The following PKHD1 variants were observed in gnomAD, a reference collection of about 807,000 sequenced individuals.
PKHD1 encodes fibrocystin.
Under a neutral mutation model 412.0 loss-of-function variants are expected in PKHD1, and 291 were observed. The ratio of observed to expected loss-of-function variants is 0.71; its 90% confidence interval spans 0.64 to 0.78. The LOEUF (loss-of-function observed/expected upper bound fraction) is 0.78, where lower values mean the gene tolerates loss of function less well. PKHD1 is among the 30% of genes least tolerant of loss of function. The pLI, the probability that PKHD1 is intolerant of heterozygous loss-of-function variation, is 0.00. For missense variants in PKHD1, 4,825 were observed against 4,950.7 expected, an observed-to-expected ratio of 0.97 and a Z score of 0.76; for synonymous variants, 1,777 against 1,821.5, an observed-to-expected ratio of 0.98 and a Z score of 0.62.
At chr6:51,818,727 T>C (rs777330236) in intron 52 of PKHD1, among the ~76,000 whole-genome samples, 2 of 152,154 alleles carry the variant, frequency 1.3e-5, no homozygotes, top group African/African-American at 2.4e-5. Context: ...GTTTACACTA[T>C]TAAGATGTAA....
chr6:51,715,954 T>G (rs182639962), intron 60 of PKHD1, among the ~76,000 whole-genome samples: 1 of 152,338 alleles, frequency 6.6e-6, no homozygotes, highest in East Asian at 1.9e-4. Flanking sequence ...CCAAACTGTC[T>G]TCAGAAGTTG....
chr6:51,699,856 G>A (rs143383082), intron 60 of PKHD1, among the ~76,000 whole-genome samples: 1,579 of 151,460 alleles, frequency 0.01, 25 homozygotes, highest in African/African-American at 0.036. Flanking sequence ...AATATTTGGC[G>A]AGAACTATTA....
chr6:52,024,025 T>TAG (rs771311331), intron 32 of PKHD1, among the ~76,000 whole-genome samples: 18 of 152,346 alleles, frequency 1.2e-4, no homozygotes, highest in Non-Finnish European at 2.1e-4. Flanking sequence ...TTTAAGTGAA[T>TAG]AGAAATTGAA....
chr6:52,056,328 A>G (rs1447865021), intron 18 of PKHD1, among the ~76,000 whole-genome samples: 1 of 152,176 alleles, frequency 6.6e-6, no homozygotes, highest in African/African-American at 2.4e-5. Context: ...ATTTCTTAAG[A>G]CTACTTTCTT....
chr6:51,906,404 G>C lies in PKHD1; in HGVS notation c.6683-64C>G, dbSNP rs1782103878. The C allele has an allele frequency of 1.0e-5, 13 of 1,275,310 alleles. No homozygotes were observed. In the East Asian group the frequency reaches 3.0e-4, roughly 30 times the overall value. 79.0% of individuals were successfully genotyped at this position (1,275,310 alleles called of 1,614,324 possible). ...CCTGAGATTCTGTTGACCATATTTAGAGCAACCTACACTGTAGCTAAAGAC... is the reference window on the plus strand; with the variant it reads ...CCTGAGATTCTGTTGACCATATTTACAGCAACCTACACTGTAGCTAAAGAC... On this transcript the variant is annotated intron_variant, in intron 40 of 66. Transcript: ENST00000371117.
chr6:51,796,697 T>C (rs1197128585), intron 52 of PKHD1, among the ~76,000 whole-genome samples: 1 of 152,184 alleles, frequency 6.6e-6, no homozygotes, highest in African/African-American at 2.4e-5. Flanking sequence ...GTATGGTGTA[T>C]CTTTGTTCTC....
chr6:52,084,995 A>T lies in PKHD1; in HGVS notation c.-62T>A, dbSNP rs1425830913. On this transcript the variant is annotated 5_prime_UTR_variant, in exon 2 of 67. Transcript: ENST00000371117. ...GACATTAAAAGCATTTTCAGTTTTG[A>T]TTGGAGCAGCATAGCTTTTGTGCTT... The T allele has an allele frequency of 4.8e-5, 53 of 1,101,282 alleles. No homozygotes were observed. The highest frequency in any genetic ancestry group is 6.7e-5 in the Non-Finnish European group (48 of 711,192). The allele number at this position is 1,101,282 out of a possible 1,614,324, so 68.2% of individuals were successfully genotyped here. A position where few individuals can be genotyped will look rare whatever the true frequency, so the allele number is the denominator to read the frequency against.
intron 60 of PKHD1, among the ~76,000 whole-genome samples, chr6:51,668,072 A>G (rs976267760): frequency 2.0e-5 from 3 of 151,984 alleles, no homozygotes; most frequent in Non-Finnish European, 4.4e-5. Context: ...GTTTTTTCCA[A>G]TTCTGTGAAG....
chr6:52,028,698 G>A (rs1198046624), intron 29 of PKHD1, among the ~76,000 whole-genome samples: 2 of 152,030 alleles, frequency 1.3e-5, no homozygotes, highest in Non-Finnish European at 2.9e-5. Flanking sequence ...TTTTTGCAGA[G>A]ACAGGGTTTT....
intron 55 of PKHD1, among the ~76,000 whole-genome samples, chr6:51,764,067 A>C (rs1336071319): frequency 6.7e-6 from 1 of 149,508 alleles, no homozygotes; most frequent in African/African-American, 2.5e-5. Flanking sequence ...ATCATCTAGC[A>C]TTAGGTATAT....
At chr6:51,791,816 T>C (rs1434251953) in intron 52 of PKHD1, among the ~76,000 whole-genome samples, 1 of 152,222 alleles carries the variant, frequency 6.6e-6, no homozygotes, top group Admixed American at 6.5e-5. Flanking sequence ...CAAATAACTT[T>C]ATCTCTCTGT....
chr6:51,957,863 G>C (rs1019102159), intron 36 of PKHD1, among the ~76,000 whole-genome samples: 3 of 151,762 alleles, frequency 2.0e-5, no homozygotes. Context: ...GTATACATTC[G>C]GCCTCACTGC....
Position 51,939,248 on chromosome 6 carries a change from A to G in PKHD1, c.5909-4926T>C, listed in dbSNP as rs570982397. On this transcript the variant is annotated intron_variant, in intron 36 of 66. Coordinates refer to ENST00000371117, the MANE Select transcript of PKHD1 (RefSeq NM_138694.4). ...CCCCAACCCCTTCTCCTTCACCCTT[A>G]GTGGCAAGTACCGCTTTTCTGGGGG... 2.7e-5 allele frequency among the ~76,000 whole-genome samples: 4 copies of G among 149,270 alleles called. No individual in the cohort carries two copies. The South Asian group carries it at 8.4e-4, about 32-fold the overall frequency.
intron 52 of PKHD1, among the ~76,000 whole-genome samples, chr6:51,807,731 G>T (rs1764067736): frequency 6.6e-6 from 1 of 151,844 alleles, no homozygotes; most frequent in Admixed American, 6.6e-5. Context: ...TTTACATATG[G>T]AGTCTTTGTA....
At chr6:51,865,250 A>G (rs1171886866) in intron 48 of PKHD1, among the ~76,000 whole-genome samples, 2 of 152,186 alleles carry the variant, frequency 1.3e-5, no homozygotes, top group Non-Finnish European at 2.9e-5. Flanking sequence ...GCATGCTGTC[A>G]TTTTAACAAA....
At chr6:51,964,903 C>G (rs1433724763) in intron 35 of PKHD1, among the ~76,000 whole-genome samples, 1 of 152,038 alleles carries the variant, frequency 6.6e-6, no homozygotes, top group African/African-American at 2.4e-5. Context: ...GCATGTTACT[C>G]CTCAACTAAC....
rs1015825144 is a variant in PKHD1 at position 51,912,529 on chromosome 6, C to T, written c.6169G>A (p.Ala2057Thr). The stretch of plus-strand genomic sequence containing the variant: ...TCTAAAGCCAGCACTGTGTCTAGGG[C>T]ATGGGCAGTTGCTCTAAGACAGGTG... Reference protein sequence around the residue: ...IVTCLRATAHALDTVLALEDA... With the variant: ...IVTCLRATAHTLDTVLALEDA... The change falls in exon 38 of 67, where the codon GCC (alanine) becomes ACC (threonine). Residue 2057 changes from alanine (A) to threonine (T), a missense_variant. Ala to Thr is a moderately conservative substitution (Grantham distance 58). Transcript: ENST00000371117. The T allele has an allele frequency of 1.9e-6, 3 of 1,613,284 alleles. No individual in the cohort carries two copies. The highest frequency in any genetic ancestry group is 1.7e-5 in the Admixed American group (1 of 59,914).
chr6:51,937,848 C>T (rs1787767801), intron 36 of PKHD1, among the ~76,000 whole-genome samples: 1 of 152,300 alleles, frequency 6.6e-6, no homozygotes, highest in African/African-American at 2.4e-5. Flanking sequence ...GTCTCTGTGG[C>T]TATCATCACA....
chr6:51,671,021 G>T (rs574858666), intron 60 of PKHD1, among the ~76,000 whole-genome samples: 23 of 152,036 alleles, frequency 1.5e-4, no homozygotes, highest in Admixed American at 4.6e-4. Flanking sequence ...TGACAATTAT[G>T]TGTCTTGGAG....
Sources: gnomAD v4.1 joint callset for allele counts (sites outside exome capture counted in the v4.1 genomes callset) on GRCh38, gnomAD v4.1.1 for gene constraint, MANE v1.5 for transcripts, NCBI Gene and HGNC (gene_info 2026-07-23, HGNC 2026-07-21) for gene names.